The following PCDHA7 variants were observed in gnomAD, a reference collection of about 807,000 sequenced individuals.
PCDHA7 encodes the protein protocadherin alpha-7.
Under a neutral mutation model 57.2 loss-of-function variants are expected in PCDHA7, and 37 were observed. The ratio of observed to expected loss-of-function variants is 0.65; its 90% CI spans 0.50 to 0.85. The LOEUF is 0.85. PCDHA7 is among the 40% of genes least tolerant of loss of function. The pLI is 0.00. For missense variants in PCDHA7, 1,188 were observed against 1,241.8 expected, an observed-to-expected ratio of 0.96 and a Z score of 0.65; for synonymous variants, 553 against 558.8, an observed-to-expected ratio of 0.99 and a Z score of 0.15.
rs1380751702 is a variant in PCDHA7 at position 140,855,145 on chromosome 5, A to C, written c.2355+18407A>C. On this transcript the variant is annotated intron_variant, in intron 1 of 3. Transcript: ENST00000525929. Reference sequence around the variant, plus strand: ...AGGTAATAATTTTGCCTGATGAGCCAAATTTGGTATTGAGCCTCATGAAAA... The same window carrying C: ...AGGTAATAATTTTGCCTGATGAGCCCAATTTGGTATTGAGCCTCATGAAAA... Among the ~76,000 whole-genome samples, 3 of 149,972 alleles carry C rather than the reference A, an allele frequency of 2.0e-5. 1 individual carries two copies. The East Asian group carries it at 5.8e-4, about 29-fold the overall frequency.
Position 140,925,562 on chromosome 5 carries a change from G to A in PCDHA7, c.2356-53387G>A, listed in dbSNP as rs28620116. On this transcript the variant is annotated intron_variant, in intron 1 of 3. Transcript: ENST00000525929. ...ACCTAATGTAAATGACAAGTTAATG[G>A]GTGCAGCACACCAACATGGCGCATG... 5.5e-3 allele frequency among the ~76,000 whole-genome samples: 841 copies of A among 151,670 alleles called. 7 individuals carry two copies. The highest frequency in any genetic ancestry group is 0.018 in the African/African-American group (764 of 41,334).
At chr5:140,871,840 C>G (rs1214510248) in intron 1 of PCDHA7, among the ~76,000 whole-genome samples, 1 of 152,256 alleles carries the variant, frequency 6.6e-6, no homozygotes, top group Admixed American at 6.5e-5. Context: ...CTCTAAACTT[C>G]AATTATGACC....
intron 1 of PCDHA7, among the ~76,000 whole-genome samples, chr5:140,918,875 T>G (rs1283138930): frequency 2.0e-5 from 3 of 152,188 alleles, no homozygotes; most frequent in African/African-American, 7.2e-5. Context: ...CTTTCAAGCC[T>G]CTAGAACAGT....
chr5:140,856,448 G>GT (rs1562509895), intron 1 of PCDHA7: 1 of 1,598,390 alleles, frequency 6.3e-7, no homozygotes, highest in East Asian at 2.2e-5. Flanking sequence ...CAGGTTCTCC[G>GT]TAACAGAACA....
chr5:140,932,952 T>G (rs2088746376), intron 1 of PCDHA7, among the ~76,000 whole-genome samples: 1 of 152,008 alleles, frequency 6.6e-6, no homozygotes, highest in Non-Finnish European at 1.5e-5. Flanking sequence ...GAAGGTGGAC[T>G]AAATTGCTGA....
rs782018607 is a variant in PCDHA7, at chr5:140,834,589, A to C, written c.206A>C (p.Lys69Thr). The change falls in exon 1 of 4, where the codon AAA becomes ACA. Residue 69 changes from lysine (K) to threonine (T), a missense_variant. Around this residue, in one of 3 missense-constraint regions of PCDHA7, gnomAD observed 194 missense variants for 185.8 expected, o/e 1.04. Coordinates refer to ENST00000525929, the MANE Select transcript of PCDHA7 (RefSeq NM_018910.3). ...CCGCGCCTGTTCCGGGCGGTGTGCA[A>C]ATTCCGTGGGGATCTTCTGGAGGTA... is the stretch of plus-strand genomic sequence containing the variant. ...LVPRLFRAVC[K>T]FRGDLLEVNL... The C allele has an allele frequency of 5.0e-6, 8 of 1,614,090 alleles. No individual in the cohort carries two copies. The highest frequency in any genetic ancestry group is 6.8e-6 in the Non-Finnish European group (8 of 1,179,994).
At chr5:140,862,877 G>T in intron 1 of PCDHA7, 1 of 567,556 alleles carries the variant, frequency 1.8e-6, no homozygotes. Flanking sequence ...CCAGGTATTA[G>T]TGCTGGAACG....
chr5:140,858,642 T>C, intron 1 of PCDHA7: 1 of 930,744 alleles, frequency 1.1e-6, no homozygotes, highest in South Asian at 1.9e-5. Context: ...CTTTGATTGG[T>C]ACTTAAATTT....
intron 1 of PCDHA7, among the ~76,000 whole-genome samples, chr5:140,925,108 G>GGAAGGAAGGAA (rs1554202548): frequency 1.6e-5 from 2 of 124,702 alleles, no homozygotes; most frequent in African/African-American, 3.3e-5. Flanking sequence ...GAAGGAAGGA[G>GGAAGGAAGGAA]GGAAGGAAGG....
At chr5:140,860,132 T>C (rs2150486737) in intron 1 of PCDHA7, 1 of 150,816 alleles carries the variant, frequency 6.6e-6, no homozygotes, top group East Asian at 1.9e-4. Flanking sequence ...TGTGTGTGTG[T>C]GTATATATAT....
intron 1 of PCDHA7, among the ~76,000 whole-genome samples, chr5:140,844,781 G>A (rs1779544851): frequency 6.7e-6 from 1 of 149,070 alleles, no homozygotes; most frequent in African/African-American, 2.5e-5. Context: ...CTTTATTTTG[G>A]TATCTTTCAA....
chr5:140,861,504 G>A (rs900432439), intron 1 of PCDHA7: 5 of 480,672 alleles, frequency 1.0e-5, no homozygotes, highest in African/African-American at 2.0e-5. Context: ...GATAGACCTC[G>A]AGGAGCTGTG....
At chr5:140,936,007 C>G (rs1338541274) in intron 1 of PCDHA7, among the ~76,000 whole-genome samples, 3 of 151,820 alleles carry the variant, frequency 2.0e-5, no homozygotes, top group African/African-American at 7.3e-5. Flanking sequence ...ATTCTCCCAC[C>G]TCAGCCTCCC....
chr5:140,968,405 G>A, intron 1 of PCDHA7: 1 of 1,614,002 alleles, frequency 6.2e-7, no homozygotes, highest in Non-Finnish European at 8.5e-7. Flanking sequence ...GGAGTTCTTT[G>A]TGACTGTGGA....
intron 1 of PCDHA7, among the ~76,000 whole-genome samples, chr5:140,931,244 T>C (rs1161128281): frequency 6.6e-6 from 1 of 152,168 alleles, no homozygotes; most frequent in Non-Finnish European, 1.5e-5. Context: ...ACACTTTTCC[T>C]ACCAAGAAAT....
intron 1 of PCDHA7, chr5:140,883,738 C>T (rs149972776): frequency 2.5e-5 from 41 of 1,613,276 alleles, no homozygotes; most frequent in Non-Finnish European, 3.3e-5. Flanking sequence ...ACGCGCTGGT[C>T]TCCTACTCGC....
intron 1 of PCDHA7, chr5:140,842,493 C>A: frequency 6.2e-7 from 1 of 1,613,856 alleles, no homozygotes; most frequent in Non-Finnish European, 8.5e-7. Context: ...TCCCTGATGC[C>A]CCATGTCCCC....
At chr5:141,002,174 C>T (rs2098063920) in intron 3 of PCDHA7, among the ~76,000 whole-genome samples, 1 of 152,224 alleles carries the variant, frequency 6.6e-6, no homozygotes, top group Non-Finnish European at 1.5e-5. Context: ...AGGCAGGCTC[C>T]AGAGTGCTGT....
intron 3 of PCDHA7, among the ~76,000 whole-genome samples, chr5:141,005,923 G>A (rs1424300772): frequency 6.6e-6 from 1 of 151,914 alleles, no homozygotes; most frequent in East Asian, 1.9e-4. Context: ...CTTCAGCCTG[G>A]TTGACAGAGT....
Sources: allele counts gnomAD v4.1 joint callset (sites outside exome capture counted in the v4.1 genomes callset), GRCh38; gene constraint gnomAD v4.1.1; regional missense constraint gnomAD v4.1.1; transcripts MANE v1.5; gene names NCBI Gene and HGNC (gene_info 2026-07-23, HGNC 2026-07-21).